The following SLC22A15 variants were observed in gnomAD, a reference collection of about 807,000 sequenced individuals.
The protein encoded by SLC22A15 is flipt 1.
Under a neutral mutation model 62.7 loss-of-function variants are expected in SLC22A15, and 45 were observed. The observed-to-expected ratio is 0.72, with a 90% confidence interval of 0.56 to 0.92. The LOEUF (loss-of-function observed/expected upper bound fraction) is 0.92. Ranked by LOEUF, SLC22A15 falls within the 40% of genes least tolerant of loss-of-function variation. The pLI, the probability that SLC22A15 is intolerant of heterozygous loss-of-function variation, is 0.00. For missense variants in SLC22A15, 622 were observed against 665.6 expected (o/e 0.93, Z 0.72); for synonymous variants, 264 against 267.0 (o/e 0.99, Z 0.11).
At chr1:116,018,171 C>T (rs1387312551) in intron 2 of SLC22A15, among the ~76,000 whole-genome samples, 4 of 151,888 alleles carry the variant, frequency 2.6e-5, no homozygotes, top group Non-Finnish European at 5.9e-5. Context: ...ATTCCCTGTT[C>T]CCCCCTCCTT....
intron 3 of SLC22A15, among the ~76,000 whole-genome samples, chr1:116,020,429 G>A (rs1274249170): frequency 2.6e-5 from 4 of 151,430 alleles, no homozygotes; most frequent in South Asian, 2.1e-4. Flanking sequence ...GGTGGCGGGC[G>A]CCTGTAGTCC....
At chr1:115,987,502 A>G (rs562368858) in intron 1 of SLC22A15, among the ~76,000 whole-genome samples, 84 of 152,242 alleles carry the variant, frequency 5.5e-4, no homozygotes, top group Non-Finnish European at 2.6e-4. Flanking sequence ...TAGAGGCACC[A>G]GTTACTCCGG....
At chr1:116,041,765 T>C (rs1307721917) in intron 8 of SLC22A15, among the ~76,000 whole-genome samples, 2 of 152,122 alleles carry the variant, frequency 1.3e-5, no homozygotes, top group Non-Finnish European at 2.9e-5. Context: ...CCTCCTAGTC[T>C]TTGATTTGAG....
intron 8 of SLC22A15, among the ~76,000 whole-genome samples, chr1:116,053,616 G>T (rs2101541173): frequency 6.6e-6 from 1 of 152,288 alleles, no homozygotes; most frequent in South Asian, 2.1e-4. Context: ...ATTCACCAAA[G>T]TTGAAATGAA....
chr1:116,058,760 T>C (rs977260884), intron 8 of SLC22A15, among the ~76,000 whole-genome samples: 1 of 152,148 alleles, frequency 6.6e-6, no homozygotes, highest in Non-Finnish European at 1.5e-5. Context: ...CCATGGTATA[T>C]ATACAATGGA....
intron 8 of SLC22A15, among the ~76,000 whole-genome samples, chr1:116,048,762 T>C (rs1260898555): frequency 2.2e-4 from 33 of 152,264 alleles, no homozygotes; most frequent in Non-Finnish European, 4.4e-5. Flanking sequence ...AATACTAACA[T>C]TGAATGTAAA....
In SLC22A15 at chr1:115,992,090, C is replaced by A. The variant is rs1171342905; in HGVS notation, c.147C>A (p.His49Gln). Residue 49 changes from histidine (H) to glutamine (Q), a missense_variant, in exon 2 of 12, where the codon CAC becomes CAA. Physicochemically the swap from His to Gln is conservative, Grantham distance 24. Coordinates refer to ENST00000369503, the MANE Select transcript of SLC22A15 (RefSeq NM_018420.3). ...IALVGATPSY[H>Q]WDLAELLPNQ... Reference sequence around the variant, plus strand: ...TGGTTGGGGCCACGCCATCCTACCACTGGGACCTGGCAGAGCTCCTGCCAA... The same window carrying A: ...TGGTTGGGGCCACGCCATCCTACCAATGGGACCTGGCAGAGCTCCTGCCAA... The A allele has an allele frequency of 6.2e-7, 1 of 1,613,968 alleles. No homozygotes were observed. The highest frequency in any genetic ancestry group is 1.3e-5 in the African/African-American group (1 of 75,074).
At chr1:116,035,992 C>A (rs1369599046) in intron 7 of SLC22A15, among the ~76,000 whole-genome samples, 2 of 152,182 alleles carry the variant, frequency 1.3e-5, no homozygotes, top group Non-Finnish European at 1.5e-5. Flanking sequence ...CAAAAATCAT[C>A]ATTCCAGCCA....
chr1:116,059,377 G>T (rs534862831), intron 8 of SLC22A15, among the ~76,000 whole-genome samples: 27 of 152,180 alleles, frequency 1.8e-4, no homozygotes, highest in Non-Finnish European at 7.3e-5. Flanking sequence ...GTTCATAGTG[G>T]ATTTATTAAT....
At chr1:115,976,828 A>T in intron 1 of SLC22A15, 114 bp downstream of exon 1, 1 of 767,768 alleles carries the variant, frequency 1.3e-6, no homozygotes, top group Non-Finnish European at 2.0e-6. Context: ...CTCTGCAAAC[A>T]CCGAGGTGTG....
intron 1 of SLC22A15, among the ~76,000 whole-genome samples, chr1:115,980,126 A>G (rs937418417): frequency 6.6e-6 from 1 of 152,166 alleles, no homozygotes; most frequent in African/African-American, 2.4e-5. Flanking sequence ...TGTAATAGTC[A>G]ACACACGAAA....
At chr1:115,991,242 G>A (rs1655128307) in intron 1 of SLC22A15, among the ~76,000 whole-genome samples, 1 of 152,196 alleles carries the variant, frequency 6.6e-6, no homozygotes, top group Non-Finnish European at 1.5e-5. Context: ...CCAATTTCAA[G>A]TAGCTGTAAA....
chr1:116,019,160 A>T (rs2101306119), intron 2 of SLC22A15, among the ~76,000 whole-genome samples: 1 of 152,338 alleles, frequency 6.6e-6, no homozygotes, highest in Admixed American at 6.5e-5. Flanking sequence ...AGAGATTTTA[A>T]ACCCATAAGC....
chr1:116,035,151 T>C (rs1657586091), intron 6 of SLC22A15, 36 bp from the exon 7 acceptor site: 2 of 1,597,150 alleles, frequency 1.3e-6, no homozygotes, highest in Non-Finnish European at 1.7e-6. Context: ...GTCCTTCTTG[T>C]CTTTTACCTC....
chr1:116,052,305 A>C lies in SLC22A15; in HGVS notation c.1172-10457A>C, dbSNP rs189659085. Among the ~76,000 whole-genome samples, 103 of 152,342 alleles carry C rather than the reference A, an allele frequency of 6.8e-4. 1 individual carries two copies. The highest frequency in any genetic ancestry group is 2.3e-3 in the African/African-American group (97 of 41,580). On this transcript the variant is annotated intron_variant, in intron 8 of 11. Coordinates refer to ENST00000369503, the MANE Select transcript of SLC22A15 (RefSeq NM_018420.3). ...GAGTCTCACTGATTGCTAGCACAGC[A>C]GTCTGAGATCCAACTGCAAGGTGGC... is the stretch of plus-strand genomic sequence containing the variant.
At chr1:116,029,149 AT>A (rs2101415770) in intron 5 of SLC22A15, among the ~76,000 whole-genome samples, 1 of 152,346 alleles carries the variant, frequency 6.6e-6, no homozygotes, top group South Asian at 2.1e-4. Context: ...GCACAAAAAC[AT>A]TTGGAATCAC....
rs981020287 is a variant in SLC22A15 at position 116,067,313 on chromosome 1, T to C, written c.*205T>C. 1 of 537,560 alleles carries C rather than the reference T, an allele frequency of 1.9e-6. No homozygotes were observed. Among genetic ancestry groups the C allele is most frequent in the Non-Finnish European group, 3.3e-6 (1 of 303,244 alleles). The allele number at this position is 537,560 out of a possible 1,614,324, so 33.3% of individuals were successfully genotyped here. ...AGACAACATCACTGCATTGAGAGAA[T>C]AGTTGTTAATTTGTTTAGAATTTAA... On this transcript the variant is annotated 3_prime_UTR_variant, in exon 12 of 12. Coordinates refer to ENST00000369503, the MANE Select transcript of SLC22A15 (RefSeq NM_018420.3).
chr1:116,041,361 A>G (rs756931668), intron 8 of SLC22A15, among the ~76,000 whole-genome samples: 4 of 152,230 alleles, frequency 2.6e-5, no homozygotes, highest in African/African-American at 7.2e-5. Context: ...AATCAGTACT[A>G]TATGAGAATT....
At chr1:116,017,253 C>G (rs1286972289) in intron 2 of SLC22A15, among the ~76,000 whole-genome samples, 1 of 151,602 alleles carries the variant, frequency 6.6e-6, no homozygotes, top group African/African-American at 2.4e-5. Flanking sequence ...TCCCTCCAGT[C>G]CCAGCTACTT....
Sources: gnomAD v4.1 joint callset for allele counts (sites outside exome capture counted in the v4.1 genomes callset) on GRCh38, gnomAD v4.1.1 for gene constraint, MANE v1.5 for transcripts, NCBI Gene and HGNC (gene_info 2026-07-23, HGNC 2026-07-21) for gene names.